The following EPS8 variants were observed in gnomAD, a reference collection of about 807,000 sequenced individuals.
EPS8 encodes EGFR pathway substrate 8, signaling adaptor.
In EPS8, 42 loss-of-function variants were observed where a neutral mutation model predicts 103.8. The ratio of observed to expected loss-of-function variants is 0.40; its 90% CI spans 0.32 to 0.52. The LOEUF (loss-of-function observed/expected upper bound fraction) is 0.52, where lower values mean the gene tolerates loss of function less well. Ranked by LOEUF, EPS8 falls within the 20% of genes least tolerant of loss-of-function variation. The pLI, the probability that EPS8 is intolerant of heterozygous loss-of-function variation, is 0.40. For synonymous variants in EPS8, 344 were observed against 344.6 expected (o/e 1.00, Z 0.02); for missense variants, 969 against 1,005.1 (o/e 0.96, Z 0.49).
chr12:15,737,100 G>A (rs568056451), intron 1 of EPS8, among the ~76,000 whole-genome samples: 1 of 152,120 alleles, frequency 6.6e-6, no homozygotes, highest in Non-Finnish European at 1.5e-5. Context: ...CTCATACCTA[G>A]TACCAGACAG....
At chr12:15,694,533 T>A (rs990167194) in intron 1 of EPS8, among the ~76,000 whole-genome samples, 3 of 151,442 alleles carry the variant, frequency 2.0e-5, no homozygotes, top group Admixed American at 6.6e-5. Flanking sequence ...AAACCTGGAA[T>A]TCATCCTTAG....
intron 3 of EPS8, among the ~76,000 whole-genome samples, chr12:15,679,002 A>C (rs544249478): frequency 6.6e-5 from 10 of 152,148 alleles, no homozygotes; most frequent in African/African-American, 2.4e-4. Context: ...ATAAACATTA[A>C]AATTTACAGG....
chr12:15,662,530 A>C, intron 8 of EPS8: 1 of 986,608 alleles, frequency 1.0e-6, no homozygotes, highest in Non-Finnish European at 1.2e-6. Flanking sequence ...TGTGACTACA[A>C]TAAAGCTTTC....
rs141492448 is a variant in EPS8, at chr12:15,647,219, C to T, written c.1476G>A (p.Ala492=). Residue 492 remains alanine, a synonymous_variant, in exon 15 of 21, where the codon GCG becomes GCA. Coordinates refer to ENST00000281172, the MANE Select transcript of EPS8 (RefSeq NM_004447.6). ...CTCTTGTGTAAATGTTGCTACTGAA[C>T]GCATAGCCATCGGCTGGATGATACT... ...VSEYHPADGY[A]FSSNIYTRGS... is the part of the protein sequence containing the mutation. 1.1e-4 allele frequency: 178 copies of T among 1,613,624 alleles called. No homozygotes were observed. Among genetic ancestry groups the T allele is most frequent in the Non-Finnish European group, 1.3e-4 (154 of 1,179,762 alleles).
rs1946246810 is a variant in EPS8 at position 15,696,621 on chromosome 12, C to A, written c.-21-13649G>T. 6.6e-6 allele frequency among the ~76,000 whole-genome samples: 1 copy of A among 152,046 alleles called. No homozygotes were observed. The highest frequency in any genetic ancestry group is 6.6e-5 in the Admixed American group (1 of 15,264). On this transcript the variant is annotated intron_variant, in intron 1 of 20. Transcript: ENST00000281172. This position sits in a 1 kb window ranked among gnomAD's most constrained non-coding sequence, Gnocchi z 4.8. ...GCACCATTGAACTCCAGCCTGGCGA[C>A]AGAGCGAGACTCTGTCTCAAATAAA...
intron 1 of EPS8, among the ~76,000 whole-genome samples, chr12:15,708,158 G>A (rs1462580655): frequency 6.6e-6 from 1 of 152,196 alleles, no homozygotes; most frequent in East Asian, 1.9e-4. Context: ...CAAAGTAAGA[G>A]AACACTAAGA....
At chr12:15,679,348 GT>G (rs1325601038) in intron 3 of EPS8, among the ~76,000 whole-genome samples, 4 of 152,020 alleles carry the variant, frequency 2.6e-5, no homozygotes, top group Non-Finnish European at 5.9e-5. Context: ...CATTTTTTCA[GT>G]CTTATTTCCC....
Position 15,690,369 on chromosome 12 carries a change from A to AT in EPS8, c.-21-7398dup, listed in dbSNP as rs1219287474. Among the ~76,000 whole-genome samples, 1 of 152,096 alleles carries AT rather than the reference A, an allele frequency of 6.6e-6. No homozygotes were observed. Among genetic ancestry groups the AT allele is most frequent in the African/African-American group, 2.4e-5 (1 of 41,410 alleles). On this transcript the variant is annotated intron_variant, in intron 1 of 20. Transcript: ENST00000281172. The surrounding 1 kb of genome is among the most constrained non-coding windows in gnomAD (Gnocchi z 4.7). Reference sequence around the variant, plus strand: ...ACTCTTTAAAAAGCATAAGAATTCTATTTTTTTAAAGGTTAACTAAATCTT... The same window carrying AT: ...ACTCTTTAAAAAGCATAAGAATTCTATTTTTTTTAAAGGTTAACTAAATCTT...
rs1226178837 is a variant in EPS8 at position 15,769,513 on chromosome 12, G to A, written c.-22+19648C>T. Reference sequence around the variant, plus strand: ...TGGAAAAATTACACAAATATAAGACGCTCTTGTTGGCAAATATTAAGAAAA... The same window carrying A: ...TGGAAAAATTACACAAATATAAGACACTCTTGTTGGCAAATATTAAGAAAA... On this transcript the variant is annotated intron_variant, in intron 1 of 20. Coordinates refer to ENST00000281172, the MANE Select transcript of EPS8 (RefSeq NM_004447.6). This position sits in a 1 kb window ranked among gnomAD's most constrained non-coding sequence, Gnocchi z 4.6. Among the ~76,000 whole-genome samples the A allele has an allele frequency of 1.3e-5, 2 of 152,046 alleles. No homozygotes were observed. Among genetic ancestry groups the A allele is most frequent in the African/African-American group, 4.8e-5 (2 of 41,380 alleles).
intron 1 of EPS8, among the ~76,000 whole-genome samples, chr12:15,755,620 C>T (rs1222630066): frequency 6.6e-6 from 1 of 152,170 alleles, no homozygotes; most frequent in South Asian, 2.1e-4. Flanking sequence ...TTGGAACCAC[C>T]TGAAGCAGTG....
At chr12:15,666,352 C>T (rs1363019602) in intron 7 of EPS8, 88 bp downstream of exon 7, 3 of 930,612 alleles carry the variant, frequency 3.2e-6, no homozygotes, top group African/African-American at 3.3e-5. Context: ...TAATATACTT[C>T]CATAGAAAAT....
intron 3 of EPS8, among the ~76,000 whole-genome samples, chr12:15,678,811 G>A (rs1316941800): frequency 6.6e-6 from 1 of 151,212 alleles, no homozygotes; most frequent in African/African-American, 2.4e-5. Context: ...CTACTCTGGA[G>A]GCTGAGGCAA....
At chr12:15,636,350 T>C (rs1260590984) in intron 17 of EPS8, among the ~76,000 whole-genome samples, 1 of 152,244 alleles carries the variant, frequency 6.6e-6, no homozygotes, top group African/African-American at 2.4e-5. Context: ...TCAATATCTT[T>C]TGTAAATTTT....
rs758506896 is a variant in EPS8 at position 15,665,822 on chromosome 12, C to T, written c.670G>A (p.Val224Ile). The T allele has an allele frequency of 7.6e-5, 123 of 1,613,394 alleles. No individual in the cohort carries two copies. Among genetic ancestry groups the T allele is most frequent in the Middle Eastern group, 3.3e-4 (2 of 6,080 alleles). Residue 224 changes from valine (V) to isoleucine (I), a missense_variant, in exon 8 of 21, where the codon GTC (valine) becomes ATC (isoleucine). Physicochemically the swap from Val to Ile is conservative, Grantham distance 29 (BLOSUM62 3). Coordinates refer to ENST00000281172, the MANE Select transcript of EPS8 (RefSeq NM_004447.6). ...CGACTTCTAACATCCACCTGGGTGA[C>T]GGTCCCAGGGGGCGCAGGGGCAGGA... ...RAPAPAPPGTVTQVDVRSRVA... is the reference protein window; with the variant it reads ...RAPAPAPPGTITQVDVRSRVA...
chr12:15,699,751 T>A (rs1353813000), intron 1 of EPS8, among the ~76,000 whole-genome samples: 2 of 152,214 alleles, frequency 1.3e-5, no homozygotes, highest in Admixed American at 6.5e-5. Context: ...CCTGAGCATA[T>A]CTTGACTGAC....
chr12:15,661,934 A>C, intron 9 of EPS8, 92 bp downstream of exon 9: 1 of 898,272 alleles, frequency 1.1e-6, no homozygotes, highest in Admixed American at 2.1e-5. Context: ...TCCATAAAAT[A>C]TCTCTATTTA....
In EPS8 at chr12:15,734,423, G is replaced by A. The variant is rs1230919893; in HGVS notation, c.-21-51451C>T. Among the ~76,000 whole-genome samples the A allele has an allele frequency of 1.3e-5, 2 of 152,076 alleles. No homozygotes were observed. The highest frequency in any genetic ancestry group is 2.9e-5 in the Non-Finnish European group (2 of 68,018). On this transcript the variant is annotated intron_variant, in intron 1 of 20. Coordinates refer to ENST00000281172, the MANE Select transcript of EPS8 (RefSeq NM_004447.6). The surrounding 1 kb of genome is among the most constrained non-coding windows in gnomAD (Gnocchi z 4.1). ...AAAAAGATTCTCTGTGGTTGGGCAC[G>A]GTGGCTCACACCTGTAATCCCAGCA... is the stretch of plus-strand genomic sequence containing the variant.
At position 15,738,918 on chromosome 12, in the gene EPS8, C is replaced by T. The variant is rs1393623614; in HGVS notation, c.-22+50243G>A. ...AGCTAAATCTACCAAACCTGAGACA[C>T]GACTCTCAAGAGACTTTCATTTGGT... On this transcript the variant is annotated intron_variant, in intron 1 of 20. Transcript: ENST00000281172. The surrounding 1 kb of genome is among the most constrained non-coding windows in gnomAD (Gnocchi z 6.2). 6.6e-6 allele frequency among the ~76,000 whole-genome samples: 1 copy of T among 152,178 alleles called. No individual in the cohort carries two copies. Among genetic ancestry groups the T allele is most frequent in the Non-Finnish European group, 1.5e-5 (1 of 68,042 alleles).
At position 15,725,073 on chromosome 12, in the gene EPS8, A is replaced by G. The variant is rs1267446211; in HGVS notation, c.-21-42101T>C. Among the ~76,000 whole-genome samples, 1 of 148,086 alleles carries G rather than the reference A, an allele frequency of 6.8e-6. No homozygotes were observed. Among genetic ancestry groups the G allele is most frequent in the Non-Finnish European group, 1.5e-5 (1 of 66,808 alleles). On this transcript the variant is annotated intron_variant, in intron 1 of 20. Coordinates refer to ENST00000281172, the MANE Select transcript of EPS8 (RefSeq NM_004447.6). The surrounding 1 kb of genome is among the most constrained non-coding windows in gnomAD (Gnocchi z 4.5). Reference sequence around the variant, plus strand: ...ACTCACTCCTAGGTATCTTGTTAGGAAAAAAAAAAATCCACTTTCTTTTTC... The same window carrying G: ...ACTCACTCCTAGGTATCTTGTTAGGGAAAAAAAAAATCCACTTTCTTTTTC...
Sources: gnomAD v4.1 joint callset for allele counts (sites outside exome capture counted in the v4.1 genomes callset) on GRCh38, gnomAD v4.1.1 for gene constraint, Gnocchi (gnomAD v3.1) non-coding constraint, MANE v1.5 for transcripts, NCBI Gene and HGNC (gene_info 2026-07-23, HGNC 2026-07-21) for gene names.